The following TMEM19 variants were observed in gnomAD, a reference collection of about 807,000 sequenced individuals.
TMEM19 encodes transmembrane protein 19.
TMEM19 carries 21 observed loss-of-function variants against 33.6 expected under a neutral mutation model. That is an observed-to-expected ratio of 0.62 (90% CI 0.44 to 0.90). The LOEUF (loss-of-function observed/expected upper bound fraction) is 0.90. Ranked by LOEUF, TMEM19 falls within the 40% of genes least tolerant of loss-of-function variation. TMEM19 has a pLI of 0.00. For synonymous variants in TMEM19, 149 were observed against 147.5 expected (o/e 1.01, Z -0.07); for missense variants, 402 against 401.8 (o/e 1.00, Z 0.00).
Position 71,686,802 on chromosome 12 carries a change from C to A in TMEM19, c.122C>A (p.Thr41Asn), listed in dbSNP as rs199711484. The A allele has an allele frequency of 1.2e-5, 19 of 1,608,816 alleles. No individual in the cohort carries two copies. The highest frequency in any genetic ancestry group is 1.4e-5 in the Non-Finnish European group (16 of 1,178,278). Residue 41 changes from threonine (T) to asparagine (N), a missense_variant, in exon 1 of 6, where the codon ACC becomes AAC. Thr to Asn is a moderately conservative substitution (Grantham distance 65). Coordinates refer to ENST00000266673, the MANE Select transcript of TMEM19 (RefSeq NM_018279.4). ...TGGATTATATCAATGACTGCAAGCA[C>A]CTATTATGGTAAGTCTGAGTGTTCT... The part of the protein sequence containing the change: ...AFWIISMTAS[T>N]YYGNLRPISP...
Position 71,686,562 on chromosome 12 carries a change from G to T in TMEM19, c.-119G>T. On this transcript the variant is annotated 5_prime_UTR_variant, in exon 1 of 6. Transcript: ENST00000266673. ...TTGTGATTTTTATGCTTGTTTGGTC[G>T]GTGGAATATGTTGGGATTTATGTTT... is the stretch of plus-strand genomic sequence containing the variant. 8.8e-7 allele frequency: 1 copy of T among 1,140,156 alleles called. No individual in the cohort carries two copies. 70.6% of individuals were successfully genotyped at this position (1,140,156 alleles called of 1,614,324 possible). A position where few individuals can be genotyped will look rare whatever the true frequency, so the allele number is the denominator to read the frequency against.
At chr12:71,698,572 T>G (rs1188593887) in intron 4 of TMEM19, among the ~76,000 whole-genome samples, 4 of 148,864 alleles carry the variant, frequency 2.7e-5, no homozygotes, top group African/African-American at 1.0e-4. Context: ...CATTGTACTC[T>G]AGCCTGGTTG....
Position 71,696,437 on chromosome 12 carries a change from G to T in TMEM19, c.246G>T (p.Gly82=), listed in dbSNP as rs766304870. The T allele has an allele frequency of 4.4e-6, 7 of 1,598,922 alleles. No homozygotes were observed. In the South Asian group the frequency reaches 5.7e-5, roughly 13 times the overall value. The change falls in exon 3 of 6, where the codon GGG becomes GGT. Residue 82 remains glycine, a splice_region_variant and synonymous_variant. Coordinates refer to ENST00000266673, the MANE Select transcript of TMEM19 (RefSeq NM_018279.4). ...KSLDHSGALG[G]LVVGFILTIA... is the part of the protein sequence containing the mutation. ...TGTGTTTATATATGTTTCTTTCAGG[G>T]CTAGTCGTTGGATTTATCCTAACCA...
intron 2 of TMEM19, among the ~76,000 whole-genome samples, chr12:71,693,332 G>A (rs868091106): frequency 3.3e-5 from 5 of 152,046 alleles, no homozygotes; most frequent in South Asian, 4.1e-4. Flanking sequence ...GGGTAGTAGC[G>A]ACTACAGGCA....
In TMEM19 at chr12:71,700,697, A is replaced by G. The variant is rs1881960867; in HGVS notation, c.848-135A>G. 2.3e-5 allele frequency: 20 copies of G among 851,592 alleles called. No homozygotes were observed. In the South Asian group the frequency reaches 6.1e-4, roughly 26 times the overall value. 52.8% of individuals were successfully genotyped at this position (851,592 alleles called of 1,614,324 possible). A position where few individuals can be genotyped will look rare whatever the true frequency, so the allele number is the denominator to read the frequency against. On this transcript the variant is annotated intron_variant, in intron 5 of 5. Transcript: ENST00000266673. ...TTGTCTCCTTTGGAGGAAAAAGCCT[A>G]TTTTGTTCTTTTTTTAAAATCAAGT...
intron 1 of TMEM19, among the ~76,000 whole-genome samples, chr12:71,687,396 C>T (rs1881711834): frequency 6.6e-6 from 1 of 151,978 alleles, no homozygotes; most frequent in Non-Finnish European, 1.5e-5. Context: ...CTGGCCAACA[C>T]GGTGAAACCC....
At chr12:71,687,714 CA>C (rs2137590667) in intron 1 of TMEM19, among the ~76,000 whole-genome samples, 1 of 152,318 alleles carries the variant, frequency 6.6e-6, no homozygotes, top group South Asian at 2.1e-4. Flanking sequence ...CCTAAAGCTA[CA>C]TTGCTTAAAT....
At position 71,686,613 on chromosome 12, in the gene TMEM19, A is replaced by G; in HGVS notation, c.-68A>G. 6.4e-7 allele frequency: 1 copy of G among 1,566,930 alleles called. No individual in the cohort carries two copies. The highest frequency in any genetic ancestry group is 1.7e-5 in the Admixed American group (1 of 58,166). ...GCCTCTGAACAAGTGTCTTGCTCAC[A>G]TCGTAAATGACTTTCTCTCCGAAAC... On this transcript the variant is annotated 5_prime_UTR_variant, in exon 1 of 6. Coordinates refer to ENST00000266673, the MANE Select transcript of TMEM19 (RefSeq NM_018279.4).
chr12:71,698,829 ACCTTGCTGT>A (rs1881926019), intron 4 of TMEM19, 62 bp from the exon 5 acceptor site: 1 of 1,349,942 alleles, frequency 7.4e-7, no homozygotes, highest in African/African-American at 1.4e-5. Context: ...TTAGATAGGT[ACCTTGCTGT>A]CCTTGCCTTT....
Position 71,686,628 on chromosome 12 carries a change from C to T in TMEM19, c.-53C>T. 6.3e-7 allele frequency: 1 copy of T among 1,597,522 alleles called. No individual in the cohort carries two copies. The highest frequency in any genetic ancestry group is 8.5e-7 in the Non-Finnish European group (1 of 1,172,996). Reference sequence around the variant, plus strand: ...TCTTGCTCACATCGTAAATGACTTTCTCTCCGAAACGCTAAATATTCTTTC... The same window carrying T: ...TCTTGCTCACATCGTAAATGACTTTTTCTCCGAAACGCTAAATATTCTTTC... On this transcript the variant is annotated 5_prime_UTR_variant, in exon 1 of 6. Coordinates refer to ENST00000266673, the MANE Select transcript of TMEM19 (RefSeq NM_018279.4).
intron 2 of TMEM19, among the ~76,000 whole-genome samples, chr12:71,692,506 G>A (rs76242569): frequency 0.06 from 9,163 of 152,224 alleles, 314 homozygotes; most frequent in South Asian, 0.085. Context: ...TTATTGAATA[G>A]GATTCAAATC....
intron 1 of TMEM19, among the ~76,000 whole-genome samples, chr12:71,687,152 T>C (rs1881705743): frequency 6.6e-6 from 1 of 152,186 alleles, no homozygotes. Flanking sequence ...GGCCACCACT[T>C]CTGGACTAGT....
chr12:71,703,806 C>T lies in TMEM19; in HGVS notation c.*2811C>T, dbSNP rs1024461572. On this transcript the variant is annotated 3_prime_UTR_variant, in exon 6 of 6. Transcript: ENST00000266673. The stretch of plus-strand genomic sequence containing the variant: ...GATCAAGTTTGGTCAGGTTTTGTCA[C>T]CAAGCTTTGTAAATAAACTGGTTTT... The T allele has an allele frequency of 1.6e-5, 4 of 247,108 alleles. No homozygotes were observed. The highest frequency in any genetic ancestry group is 1.2e-4 in the South Asian group (3 of 24,558). 15.3% of individuals were successfully genotyped at this position (247,108 alleles called of 1,614,324 possible). A position where few individuals can be genotyped will look rare whatever the true frequency, so the allele number is the denominator to read the frequency against.
At position 71,703,979 on chromosome 12, in the gene TMEM19, T is replaced by A. The variant is rs1882030387; in HGVS notation, c.*2984T>A. The A allele has an allele frequency of 2.2e-6, 1 of 450,756 alleles. No individual in the cohort carries two copies. Among genetic ancestry groups the A allele is most frequent in the Non-Finnish European group, 4.5e-6 (1 of 224,132 alleles). 27.9% of individuals were successfully genotyped at this position (450,756 alleles called of 1,614,324 possible). ...CAACATATTTTTCCTCTTTGCAGAA[T>A]GGGCAGTTCATGTTAAAATCACTTT... On this transcript the variant is annotated 3_prime_UTR_variant, in exon 6 of 6. Transcript: ENST00000266673.
Position 71,690,993 on chromosome 12 carries a change from C to T in TMEM19, c.244+1289C>T, listed in dbSNP as rs11832229. Among the ~76,000 whole-genome samples, 849 of 152,096 alleles carry T rather than the reference C, an allele frequency of 5.6e-3. 9 individuals carry two copies. Among genetic ancestry groups the T allele is most frequent in the African/African-American group, 0.019 (807 of 41,472 alleles). ...GTACTCTTTTTCTTAAAGAGGGAAC[C>T]CCAAATTATATAAACTTTGGGCTCC... On this transcript the variant is annotated intron_variant, in intron 2 of 5. Transcript: ENST00000266673.
rs1166503781 is a variant in TMEM19, at chr12:71,703,636, A to T, written c.*2641A>T. On this transcript the variant is annotated 3_prime_UTR_variant, in exon 6 of 6. Coordinates refer to ENST00000266673, the MANE Select transcript of TMEM19 (RefSeq NM_018279.4). ...CATCAAAATTTTTGAGCTATTCAAA[A>T]ACTAATAGGATCTGTGTAAAATATT... The T allele has an allele frequency of 6.4e-6, 1 of 157,208 alleles. No individual in the cohort carries two copies. The highest frequency in any genetic ancestry group is 1.4e-5 in the Non-Finnish European group (1 of 71,028). The allele number at this position is 157,208 out of a possible 1,614,324, so 9.7% of individuals were successfully genotyped here. A position where few individuals can be genotyped will look rare whatever the true frequency, so the allele number is the denominator to read the frequency against.
At chr12:71,696,903 T>C (rs1426625437) in intron 3 of TMEM19, among the ~76,000 whole-genome samples, 5 of 152,194 alleles carry the variant, frequency 3.3e-5, no homozygotes, top group African/African-American at 7.2e-5. Flanking sequence ...TGCCTCGGCC[T>C]CCCAAAGTGC....
In TMEM19 at chr12:71,686,566, G is replaced by T; in HGVS notation, c.-115G>T. Reference sequence around the variant, plus strand: ...GATTTTTATGCTTGTTTGGTCGGTGGAATATGTTGGGATTTATGTTTGCCT... The same window carrying T: ...GATTTTTATGCTTGTTTGGTCGGTGTAATATGTTGGGATTTATGTTTGCCT... On this transcript the variant is annotated 5_prime_UTR_variant, in exon 1 of 6. The change creates a premature stop within an existing upstream ORF in the 5' untranslated region. Transcript: ENST00000266673. The T allele has an allele frequency of 8.4e-7, 1 of 1,187,142 alleles. No individual in the cohort carries two copies. Among genetic ancestry groups the T allele is most frequent in the Admixed American group, 2.5e-5 (1 of 40,746 alleles). 73.5% of individuals were successfully genotyped at this position (1,187,142 alleles called of 1,614,324 possible).
rs1273573059 is a variant in TMEM19, at chr12:71,701,642, A to T, written c.*647A>T. The T allele has an allele frequency of 6.6e-6, 1 of 152,276 alleles. No individual in the cohort carries two copies. The highest frequency in any genetic ancestry group is 1.5e-5 in the Non-Finnish European group (1 of 68,050). The allele number at this position is 152,276 out of a possible 1,614,324, so 9.4% of individuals were successfully genotyped here. On this transcript the variant is annotated 3_prime_UTR_variant, in exon 6 of 6. Coordinates refer to ENST00000266673, the MANE Select transcript of TMEM19 (RefSeq NM_018279.4). ...TATGTCCATTAGAATGTATGAAAAA[A>T]ATCATTTTAACTAAAAGCAAAAGAA...
Sources: gnomAD v4.1 joint callset for allele counts (sites outside exome capture counted in the v4.1 genomes callset) on GRCh38, gnomAD v4.1.1 for gene constraint, MANE v1.5 for transcripts, NCBI Gene and HGNC (gene_info 2026-07-23, HGNC 2026-07-21) for gene names.